Variants in FAM185A observed in about 807,000 individuals in gnomAD.
FAM185A encodes family with sequence similarity 185 member A.
FAM185A carries 21 observed loss-of-function variants against 45.7 expected under a neutral mutation model. The ratio of observed to expected loss-of-function variants is 0.46; its 90% CI spans 0.33 to 0.66. The LOEUF (loss-of-function observed/expected upper bound fraction) is 0.66, where lower values mean the gene tolerates loss of function less well. FAM185A is among the 30% of genes least tolerant of loss of function. The probability of loss-of-function intolerance (pLI) is 0.03; values close to 1 mark genes in which losing one functional copy is unlikely to be tolerated. For synonymous variants in FAM185A, 117 were observed against 194.0 expected (o/e 0.60, Z 3.30); for missense variants, 305 against 485.4 (o/e 0.63, Z 3.49).
At chr7:102,798,119 T>C (rs1562875784) in intron 7 of FAM185A, among the ~76,000 whole-genome samples, 1 of 152,202 alleles carries the variant, frequency 6.6e-6, no homozygotes, top group Non-Finnish European at 1.5e-5. Flanking sequence ...AAGCCTTTCC[T>C]CCCACTTAGT....
chr7:102,820,728 G>A, the FAM185A span, among the ~76,000 whole-genome samples: 1 of 152,180 alleles, frequency 6.6e-6, no homozygotes, highest in Non-Finnish European at 1.5e-5. Context: ...GAAAGAAGGA[G>A]CCCTAGCTCA....
chr7:102,782,640 C>G (rs1276030028), intron 6 of FAM185A, among the ~76,000 whole-genome samples: 2 of 152,134 alleles, frequency 1.3e-5, no homozygotes, highest in Admixed American at 1.3e-4. Context: ...TAAAACAGCT[C>G]CTGAAGGAAG....
At chr7:102,759,410 C>T (rs2539336) in intron 3 of FAM185A, among the ~76,000 whole-genome samples, 21,126 of 151,832 alleles carry the variant, frequency 0.14, 1,765 homozygotes, top group Admixed American at 0.25. Flanking sequence ...TTGTTATGTA[C>T]TAAAGAATCA....
At chr7:102,782,859 T>C (rs549759095) in intron 6 of FAM185A, among the ~76,000 whole-genome samples, 44 of 151,914 alleles carry the variant, frequency 2.9e-4, no homozygotes, top group Admixed American at 1.2e-3. Context: ...GACTGGCAAA[T>C]TGGATAAAGA....
the FAM185A span, among the ~76,000 whole-genome samples, chr7:102,815,677 G>T: frequency 4.6e-5 from 7 of 152,216 alleles, no homozygotes; most frequent in East Asian, 1.9e-4. Context: ...GGGAGTAAAA[G>T]ATTTGCAAAT....
chr7:102,811,222 G>A (rs1233085576), downstream of FAM185A, among the ~76,000 whole-genome samples: 4 of 152,150 alleles, frequency 2.6e-5, no homozygotes, highest in Non-Finnish European at 5.9e-5. Flanking sequence ...TATATTTAAA[G>A]CTACTAATGG....
At chr7:102,846,448 A>G in the FAM185A span, among the ~76,000 whole-genome samples, 23 of 152,026 alleles carry the variant, frequency 1.5e-4, no homozygotes, top group African/African-American at 9.7e-5. Context: ...GTGAAACACC[A>G]TCTCTACTAA....
intron 2 of FAM185A, among the ~76,000 whole-genome samples, chr7:102,756,482 C>G (rs1028439640): frequency 6.6e-6 from 1 of 151,316 alleles, no homozygotes; most frequent in Admixed American, 6.6e-5. Flanking sequence ...ACGGTGAAAC[C>G]CCATCTCTAC....
chr7:102,769,202 A>G (rs930007938), intron 4 of FAM185A, among the ~76,000 whole-genome samples: 3 of 152,098 alleles, frequency 2.0e-5, no homozygotes, highest in African/African-American at 7.2e-5. Flanking sequence ...CCTTAATTCC[A>G]TGGGTTTTTG....
chr7:102,787,619 A>G, intron 7 of FAM185A, 150 bp downstream of exon 7: 3 of 784,772 alleles, frequency 3.8e-6, no homozygotes, highest in African/African-American at 1.8e-5. Flanking sequence ...CTAGTTGCTT[A>G]TCATTAATAT....
At chr7:102,783,979 C>G (rs1795598822) in intron 6 of FAM185A, among the ~76,000 whole-genome samples, 1 of 152,056 alleles carries the variant, frequency 6.6e-6, no homozygotes, top group African/African-American at 2.4e-5. Context: ...CAAATAGATG[C>G]AATAAAAAAT....
At chr7:102,818,977 A>C in the FAM185A span, among the ~76,000 whole-genome samples, 2 of 151,456 alleles carry the variant, frequency 1.3e-5, no homozygotes, top group African/African-American at 2.4e-5. Context: ...GACAGGCCCC[A>C]GTGTGTGTTG....
At chr7:102,784,501 C>T (rs2129440755) in intron 6 of FAM185A, among the ~76,000 whole-genome samples, 1 of 152,302 alleles carries the variant, frequency 6.6e-6, no homozygotes, top group East Asian at 1.9e-4. Context: ...AAGTGGGCTT[C>T]ATCCCTGGGA....
the FAM185A span, among the ~76,000 whole-genome samples, chr7:102,841,402 A>C: frequency 6.6e-6 from 1 of 152,204 alleles, no homozygotes; most frequent in Non-Finnish European, 1.5e-5. Flanking sequence ...CAATATGAAA[A>C]GAACAGATGT....
At chr7:102,785,794 C>T (rs1460535899) in intron 6 of FAM185A, among the ~76,000 whole-genome samples, 1 of 151,754 alleles carries the variant, frequency 6.6e-6, no homozygotes, top group East Asian at 1.9e-4. Flanking sequence ...TCTAAAACAC[C>T]AAAAGCAATG....
intron 7 of FAM185A, among the ~76,000 whole-genome samples, chr7:102,789,404 T>A (rs1338545403): frequency 2.0e-5 from 3 of 152,242 alleles, no homozygotes; most frequent in Non-Finnish European, 4.4e-5. Flanking sequence ...CTTTATAAAC[T>A]TACATTTTAA....
chr7:102,819,844 C>A, the FAM185A span, among the ~76,000 whole-genome samples: 2 of 152,184 alleles, frequency 1.3e-5, no homozygotes, highest in East Asian at 3.8e-4. Flanking sequence ...GAAGGGTCTA[C>A]ATACACTGTG....
rs1374741478 is a variant in FAM185A at position 102,809,095 on chromosome 7, A to G, written c.*693A>G. The G allele has an allele frequency of 7.2e-5, 11 of 152,272 alleles. No homozygotes were observed. The highest frequency in any genetic ancestry group is 2.7e-4 in the African/African-American group (11 of 41,470). 9.4% of individuals were successfully genotyped at this position (152,272 alleles called of 1,614,324 possible). ...CAAGGAAAGGAGATTATACAAAGGC[A>G]TCCATCATGTGGGGACAATTAGCTT... On this transcript the variant is annotated 3_prime_UTR_variant, in exon 8 of 8. Transcript: ENST00000413034.
chr7:102,807,378 A>G (rs1797183275), intron 7 of FAM185A, among the ~76,000 whole-genome samples: 1 of 152,208 alleles, frequency 6.6e-6, no homozygotes, highest in Admixed American at 6.5e-5. Flanking sequence ...GTTATACTCC[A>G]GTAAAGCTCT....
Sources: gnomAD v4.1 joint callset for allele counts (sites outside exome capture counted in the v4.1 genomes callset) on GRCh38, gnomAD v4.1.1 for gene constraint, MANE v1.5 for transcripts, NCBI Gene and HGNC (gene_info 2026-07-23, HGNC 2026-07-21) for gene names.